GMEB2: variants seen among roughly 807,000 people sequenced by gnomAD.
GMEB2 encodes glucocorticoid modulatory element-binding protein 2.
GMEB2 carries 7 observed loss-of-function variants against 45.7 expected under a neutral mutation model. That is an observed-to-expected ratio of 0.15 (90% CI 0.09 to 0.29). The LOEUF is 0.29. GMEB2 is among the 10% of genes least tolerant of loss of function. GMEB2 has a pLI of 1.00. For missense variants in GMEB2, 582 were observed against 739.2 expected, an observed-to-expected ratio of 0.79 and a Z score of 2.47; for synonymous variants, 322 against 323.6, an observed-to-expected ratio of 1.00 and a Z score of 0.05.
chr20:63,614,043 A>C (rs936446235), intron 2 of GMEB2, among the ~76,000 whole-genome samples: 1 of 152,048 alleles, frequency 6.6e-6, no homozygotes, highest in Non-Finnish European at 1.5e-5. Context: ...ACTGGGCAAC[A>C]CCCACTCCAT....
In GMEB2 at chr20:63,592,321, A is replaced by G. The variant is rs2083154256; in HGVS notation, c.830-177T>C. Among the ~76,000 whole-genome samples, 1 of 152,198 alleles carries G rather than the reference A, an allele frequency of 6.6e-6. No homozygotes were observed. Among genetic ancestry groups the G allele is most frequent in the South Asian group, 2.1e-4 (1 of 4,828 alleles). ...GAGGCTGCTCCTCAGGAACCCAGCCAGCCAGGAGCTCAGTTCAGAGGGAGA... is the reference window on the plus strand; with the variant it reads ...GAGGCTGCTCCTCAGGAACCCAGCCGGCCAGGAGCTCAGTTCAGAGGGAGA... On this transcript the variant is annotated intron_variant, in intron 8 of 9. Transcript: ENST00000370077. This position sits in a 1 kb window ranked among gnomAD's most constrained non-coding sequence, Gnocchi z 8.2.
At chr20:63,591,179 AC>A (rs1569046870) in intron 9 of GMEB2, among the ~76,000 whole-genome samples, 1 of 152,002 alleles carries the variant, frequency 6.6e-6, no homozygotes, top group African/African-American at 2.4e-5. Context: ...AAACATGCAC[AC>A]ACACATGCAG....
At position 63,619,279 on chromosome 20, in the gene GMEB2, A is replaced by C. The variant is rs757927811; in HGVS notation, c.119T>G (p.Leu40Trp). 1 of 1,610,946 alleles carries C rather than the reference A, an allele frequency of 6.2e-7. No individual in the cohort carries two copies. Among genetic ancestry groups the C allele is most frequent in the South Asian group, 1.1e-5 (1 of 90,912 alleles). The change falls in exon 2 of 10, where the codon TTG becomes TGG. Residue 40 changes from leucine (L) to tryptophan (W), a missense_variant. Leu to Trp is a moderately conservative substitution (Grantham distance 61). Coordinates refer to ENST00000370077, the MANE Select transcript of GMEB2 (RefSeq NM_012384.5). This position sits in a 1 kb window ranked among gnomAD's most constrained non-coding sequence, Gnocchi z 4.6. The part of the protein sequence containing the change: ...GVKTVLVTTN[L>W]APHGGDLTED... ...GGCCCGAGCTTACCCGTGAGGGGCC[A>C]AGTTGGTCGTCACCAACACGGTCTT...
At position 63,589,778 on chromosome 20, in the gene GMEB2, G is replaced by GC; in HGVS notation, c.*310dup. 3.7e-6 allele frequency: 1 copy of GC among 268,024 alleles called. No individual in the cohort carries two copies. 16.6% of individuals were successfully genotyped at this position (268,024 alleles called of 1,614,324 possible). A position where few individuals can be genotyped will look rare whatever the true frequency, so the allele number is the denominator to read the frequency against. ...CTCTGCTGCACCCAGGCTCCCCCTA[G>GC]CCCCCGCCCACCTGGCTCCTGATCA... On this transcript the variant is annotated 3_prime_UTR_variant, in exon 10 of 10. Coordinates refer to ENST00000370077, the MANE Select transcript of GMEB2 (RefSeq NM_012384.5).
chr20:63,601,334 T>A (rs1337519691), intron 4 of GMEB2, among the ~76,000 whole-genome samples: 1 of 152,136 alleles, frequency 6.6e-6, no homozygotes, highest in Non-Finnish European at 1.5e-5. Context: ...TCTCAGACTC[T>A]CTCTCCTCCT....
chr20:63,593,088 G>C lies in GMEB2; in HGVS notation c.620-6C>G, dbSNP rs1231158823. ...GGTCGCAGGAGACCCATTCACTGCA[G>C]CCGAAAGGGAACCTCGGGTGAGTGC... On this transcript the variant is annotated splice_polypyrimidine_tract_variant and splice_region_variant and intron_variant, in intron 6 of 9. Coordinates refer to ENST00000370077, the MANE Select transcript of GMEB2 (RefSeq NM_012384.5). This position sits in a 1 kb window ranked among gnomAD's most constrained non-coding sequence, Gnocchi z 4.7. The C allele has an allele frequency of 2.5e-6, 4 of 1,599,990 alleles. No homozygotes were observed. In the South Asian group the frequency reaches 4.4e-5, roughly 18 times the overall value.
chr20:63,619,430 C>T lies in GMEB2; in HGVS notation c.-33G>A, dbSNP rs773684379. 3.7e-5 allele frequency: 60 copies of T among 1,600,542 alleles called. No homozygotes were observed. Among genetic ancestry groups the T allele is most frequent in the Middle Eastern group, 3.3e-4 (2 of 6,016 alleles). The stretch of plus-strand genomic sequence containing the variant: ...CGGAAGGGGACGCCCAGGCCAGCAG[C>T]GTCAGTCCTCCAGGGTCCCAAGTCC... On this transcript the variant is annotated 5_prime_UTR_variant, in exon 2 of 10. Coordinates refer to ENST00000370077, the MANE Select transcript of GMEB2 (RefSeq NM_012384.5). The surrounding 1 kb of genome is among the most constrained non-coding windows in gnomAD (Gnocchi z 4.6).
At chr20:63,621,354 T>TA (rs1424604776) in intron 1 of GMEB2, among the ~76,000 whole-genome samples, 1 of 152,230 alleles carries the variant, frequency 6.6e-6, no homozygotes, top group Non-Finnish European at 1.5e-5. Context: ...GTGGCTGTTC[T>TA]GAATGGTGCT....
intron 5 of GMEB2, 89 bp downstream of exon 5, chr20:63,597,668 C>T: frequency 2.5e-6 from 2 of 784,530 alleles, no homozygotes; most frequent in Non-Finnish European, 2.2e-6. Context: ...TAAAATACGC[C>T]TCATCTTCAA....
At chr20:63,606,497 G>A (rs1029174356) in intron 2 of GMEB2, among the ~76,000 whole-genome samples, 16 of 151,956 alleles carry the variant, frequency 1.1e-4, no homozygotes, top group South Asian at 6.2e-4. Context: ...ACAGGCGCCC[G>A]CCACCATGCC....
In GMEB2 at chr20:63,590,563, C is replaced by G; in HGVS notation, c.1119G>C (p.Ser373=). 5 of 1,558,906 alleles carry G rather than the reference C, an allele frequency of 3.2e-6. No individual in the cohort carries two copies. Among genetic ancestry groups the G allele is most frequent in the Non-Finnish European group, 4.3e-6 (5 of 1,150,512 alleles). ...RATSGPAAMA[S]QVLTQSAQLA... Reference sequence around the variant, plus strand: ...GCTGGGCAGACTGGGTGAGCACCTGCGAGGCCATGGCGGCCGGTCCTGATG... The same window carrying G: ...GCTGGGCAGACTGGGTGAGCACCTGGGAGGCCATGGCGGCCGGTCCTGATG... The change falls in exon 10 of 10, where the codon TCG becomes TCC. Residue 373 remains serine (S), a synonymous_variant. Transcript: ENST00000370077.
intron 2 of GMEB2, among the ~76,000 whole-genome samples, chr20:63,610,574 C>T (rs1426857420): frequency 6.6e-6 from 1 of 152,098 alleles, no homozygotes; most frequent in African/African-American, 2.4e-5. Flanking sequence ...TCTCAATTTC[C>T]AGATGGTAGA....
chr20:63,619,511 AG>A lies in GMEB2; in HGVS notation c.-57-58del. On this transcript the variant is annotated intron_variant, in intron 1 of 9. Transcript: ENST00000370077. This position sits in a 1 kb window ranked among gnomAD's most constrained non-coding sequence, Gnocchi z 4.6. ...AGTCATCTCCACATCCACACAACAT[AG>A]CACTCACAAAGGCATCTCTAATCAG... is the stretch of plus-strand genomic sequence containing the variant. The A allele has an allele frequency of 1.9e-6, 2 of 1,051,858 alleles. No individual in the cohort carries two copies. Among genetic ancestry groups the A allele is most frequent in the African/African-American group, 3.2e-5 (2 of 62,692 alleles). 65.2% of individuals were successfully genotyped at this position (1,051,858 alleles called of 1,614,324 possible).
At chr20:63,625,107 A>C (rs1274005501) in intron 1 of GMEB2, among the ~76,000 whole-genome samples, 3 of 152,208 alleles carry the variant, frequency 2.0e-5, no homozygotes, top group Non-Finnish European at 4.4e-5. Context: ...ACACAGAAGA[A>C]GCACTATAGA....
chr20:63,604,703 C>A (rs770540545), intron 3 of GMEB2, 40 bp downstream of exon 3: 2 of 1,076,050 alleles, frequency 1.9e-6, no homozygotes. Context: ...GTCCCTGCTG[C>A]GGCAAGAAGG....
intron 2 of GMEB2, among the ~76,000 whole-genome samples, chr20:63,613,521 CTTTTTTT>C (rs11481490): frequency 7.2e-6 from 1 of 139,540 alleles, no homozygotes; most frequent in Non-Finnish European, 1.5e-5. Context: ...TTTTTGTTTT[CTTTTTTT>C]TTTTTTTTTG....
At chr20:63,595,976 A>G (rs1280211493) in intron 5 of GMEB2, among the ~76,000 whole-genome samples, 1 of 152,184 alleles carries the variant, frequency 6.6e-6, no homozygotes, top group African/African-American at 2.4e-5. Flanking sequence ...GCCCAGGCCC[A>G]CGCTACGGCA....
chr20:63,617,361 T>C (rs187628889), intron 2 of GMEB2, among the ~76,000 whole-genome samples: 3 of 152,292 alleles, frequency 2.0e-5, no homozygotes, highest in African/African-American at 2.4e-5. Flanking sequence ...AAGTCGGCCA[T>C]CTGCAAGGTA....
intron 4 of GMEB2, among the ~76,000 whole-genome samples, chr20:63,598,897 C>A (rs896277503): frequency 1.7e-4 from 26 of 152,200 alleles, no homozygotes; most frequent in African/African-American, 5.5e-4. Flanking sequence ...TCAACTGCAC[C>A]CAAAGGGCCT....
Sources: gnomAD v4.1 joint callset for allele counts (sites outside exome capture counted in the v4.1 genomes callset) on GRCh38, gnomAD v4.1.1 for gene constraint, Gnocchi (gnomAD v3.1) non-coding constraint, MANE v1.5 for transcripts, NCBI Gene and HGNC (gene_info 2026-07-23, HGNC 2026-07-21) for gene names.